The following CECR2 variants were observed in gnomAD, a reference collection of about 807,000 sequenced individuals.
The protein encoded by CECR2 is CECR2 histone acetyl-lysine reader.
In CECR2, 30 loss-of-function variants were observed where a neutral mutation model predicts 154.5. The observed-to-expected ratio is 0.19, with a 90% CI of 0.15 to 0.26. CECR2 has a LOEUF of 0.26. Ranked by LOEUF, CECR2 falls within the 10% of genes least tolerant of loss-of-function variation. The pLI is 1.00. For synonymous variants in CECR2, 725 were observed against 683.7 expected, an observed-to-expected ratio of 1.06 and a Z score of -0.94; for missense variants, 1,743 against 1,829.3, an observed-to-expected ratio of 0.95 and a Z score of 0.86.
At chr22:17,537,741 C>G (rs1278890520) in intron 10 of CECR2, among the ~76,000 whole-genome samples, 1 of 152,076 alleles carries the variant, frequency 6.6e-6, no homozygotes, top group African/African-American at 2.4e-5. Context: ...GCCTGTAATC[C>G]CAGCACTTTG....
chr22:17,472,041 G>C (rs1448496643), intron 1 of CECR2, among the ~76,000 whole-genome samples: 1 of 152,152 alleles, frequency 6.6e-6, no homozygotes, highest in Non-Finnish European at 1.5e-5. Context: ...TTTCCTTTCT[G>C]TGTTACTCAG....
At chr22:17,435,072 A>G (rs73876441) in intron 1 of CECR2, among the ~76,000 whole-genome samples, 12,181 of 152,186 alleles carry the variant, frequency 0.08, 1,035 homozygotes, top group African/African-American at 0.22. Context: ...ATCCATGTCC[A>G]GTCTAAGAGG....
chr22:17,429,488 GC>G (rs1284214639), intron 1 of CECR2, among the ~76,000 whole-genome samples: 3 of 145,066 alleles, frequency 2.1e-5, no homozygotes, highest in Non-Finnish European at 3.0e-5. Context: ...GATCGCTTGA[GC>G]CCAGGAGTTC....
intron 1 of CECR2, among the ~76,000 whole-genome samples, chr22:17,412,583 G>A (rs984767228): frequency 6.6e-6 from 1 of 152,180 alleles, no homozygotes; most frequent in Non-Finnish European, 1.5e-5. Context: ...AGAGGTAAGT[G>A]ATGGAAGGGT....
chr22:17,548,827 A>G lies in CECR2; in HGVS notation c.3540A>G (p.Gln1180=), dbSNP rs1346186828. Residue 1180 remains glutamine, a synonymous_variant, in exon 17 of 19, where the codon CAA becomes CAG. Coordinates refer to ENST00000262608, the MANE Select transcript of CECR2 (RefSeq NM_001290047.2). Reference sequence around the variant, plus strand: ...GCTTTCCCCGGTATCGCCCCCCACAAGGAATGAGGTATTCCTACCACCCAC... The same window carrying G: ...GCTTTCCCCGGTATCGCCCCCCACAGGGAATGAGGTATTCCTACCACCCAC... The part of the protein sequence containing the change: ...SGGFPRYRPP[Q]GMRYSYHPPP... The G allele has an allele frequency of 6.2e-7, 1 of 1,613,646 alleles. No homozygotes were observed. Among genetic ancestry groups the G allele is most frequent in the Non-Finnish European group, 8.5e-7 (1 of 1,179,818 alleles).
chr22:17,491,584 G>A lies in CECR2; in HGVS notation c.222-5819G>A, dbSNP rs1441205271. On this transcript the variant is annotated intron_variant, in intron 2 of 18. Transcript: ENST00000262608. ...TTCTTATTCTGTGTGTGTGTGTGTGGGGGGGTGGGTGTTTAGCAGTCGTAG... is the reference window on the plus strand; with the variant it reads ...TTCTTATTCTGTGTGTGTGTGTGTGAGGGGGTGGGTGTTTAGCAGTCGTAG... 2.7e-3 allele frequency among the ~76,000 whole-genome samples: 345 copies of A among 126,422 alleles called. 25 individuals carry two copies. Among genetic ancestry groups the A allele is most frequent in the Non-Finnish European group, 2.5e-3 (150 of 59,438 alleles). 82.9% of individuals were successfully genotyped at this position (126,422 alleles called of 152,430 possible).
At chr22:17,550,643 A>G (rs2056693829) in intron 17 of CECR2, among the ~76,000 whole-genome samples, 1 of 152,180 alleles carries the variant, frequency 6.6e-6, no homozygotes, top group South Asian at 2.1e-4. Flanking sequence ...CGATAGATAC[A>G]AATGAAAGTT....
At chr22:17,379,886 A>G (rs1268131434) in intron 1 of CECR2, among the ~76,000 whole-genome samples, 2 of 152,166 alleles carry the variant, frequency 1.3e-5, no homozygotes, top group Non-Finnish European at 2.9e-5. Flanking sequence ...GAAAGATACC[A>G]TAGAACTTCA....
intron 2 of CECR2, among the ~76,000 whole-genome samples, chr22:17,495,780 T>C (rs1434659549): frequency 7.2e-5 from 10 of 139,452 alleles, no homozygotes; most frequent in Non-Finnish European, 1.5e-4. Context: ...GAGAATGGCG[T>C]GAACCTGGGA....
At chr22:17,540,867 A>G (rs974770129) in intron 14 of CECR2, 67 bp downstream of exon 14, 14 of 1,452,648 alleles carry the variant, frequency 9.6e-6, no homozygotes, top group African/African-American at 1.4e-5. Flanking sequence ...TGTAGAGGCC[A>G]TTCAGTTAGT....
At chr22:17,511,941 G>T (rs1318695674) in intron 8 of CECR2, 45 bp downstream of exon 8, 1 of 1,425,538 alleles carries the variant, frequency 7.0e-7, no homozygotes. Flanking sequence ...CCTGATGAAA[G>T]AGACGGATCC....
intron 2 of CECR2, among the ~76,000 whole-genome samples, chr22:17,489,125 G>T (rs1040000789): frequency 3.3e-5 from 5 of 152,100 alleles, no homozygotes; most frequent in African/African-American, 1.2e-4. Flanking sequence ...GTAGAGACGG[G>T]GTTTCACCAT....
intron 1 of CECR2, among the ~76,000 whole-genome samples, chr22:17,428,098 T>C (rs2054359193): frequency 6.6e-6 from 1 of 152,250 alleles, no homozygotes; most frequent in East Asian, 1.9e-4. Context: ...CATGTTTTCA[T>C]GTGTCTGTAG....
At chr22:17,361,844 AT>A (rs2062979467) in intron 1 of CECR2, among the ~76,000 whole-genome samples, 3 of 151,962 alleles carry the variant, frequency 2.0e-5, no homozygotes, top group Admixed American at 6.6e-5. Context: ...ATTTATTATG[AT>A]CAATTATTTG....
At chr22:17,419,199 C>T (rs900415704) in intron 1 of CECR2, 3 of 153,562 alleles carry the variant, frequency 2.0e-5, no homozygotes, top group Admixed American at 6.5e-5. Context: ...GAGCACTTGC[C>T]AGGGGACGCC....
intron 1 of CECR2, among the ~76,000 whole-genome samples, chr22:17,408,253 T>C (rs1402832089): frequency 6.9e-6 from 1 of 144,458 alleles, no homozygotes; most frequent in Non-Finnish European, 1.5e-5. Flanking sequence ...TTTCTGTCTG[T>C]GGATTCTAAA....
At chr22:17,377,411 A>G (rs2063130706) in intron 1 of CECR2, among the ~76,000 whole-genome samples, 1 of 151,876 alleles carries the variant, frequency 6.6e-6, no homozygotes, top group Non-Finnish European at 1.5e-5. Context: ...AAGGCATTGA[A>G]TTATGTGATT....
chr22:17,463,551 G>A (rs538664679), intron 1 of CECR2, among the ~76,000 whole-genome samples: 3 of 152,252 alleles, frequency 2.0e-5, no homozygotes, highest in Admixed American at 2.0e-4. Flanking sequence ...AGAGAAAAAG[G>A]GAAGAGTCAA....
At chr22:17,466,765 T>C (rs1427769281) in intron 1 of CECR2, among the ~76,000 whole-genome samples, 1 of 152,140 alleles carries the variant, frequency 6.6e-6, no homozygotes, top group Non-Finnish European at 1.5e-5. Flanking sequence ...TGGCTAATTT[T>C]TGTATTTTTA....
Sources: allele counts gnomAD v4.1 joint callset (sites outside exome capture counted in the v4.1 genomes callset), GRCh38; gene constraint gnomAD v4.1.1; transcripts MANE v1.5; gene names NCBI Gene and HGNC (gene_info 2026-07-23, HGNC 2026-07-21).